The following GLI3 variants were observed in gnomAD, a reference collection of about 807,000 sequenced individuals.
The protein encoded by GLI3 is GLI family zinc finger 3, also known as transcription activator GLI3.
A neutral mutation model predicts 100.8 loss-of-function variants in GLI3; 20 were observed. That is an observed-to-expected ratio of 0.20 (90% CI 0.14 to 0.29). The LOEUF is 0.29. Ranked by LOEUF, GLI3 falls within the 10% of genes least tolerant of loss-of-function variation. The pLI, the probability that GLI3 is intolerant of heterozygous loss-of-function variation, is 1.00. For missense variants in GLI3, 2,040 were observed against 2,128.5 expected (o/e 0.96, Z 0.82); for synonymous variants, 938 against 860.5 (o/e 1.09, Z -1.58).
intron 3 of GLI3, among the ~76,000 whole-genome samples, chr7:42,120,382 G>T (rs1785966252): frequency 6.6e-6 from 1 of 152,160 alleles, no homozygotes; most frequent in Admixed American, 6.5e-5. Flanking sequence ...ATTCCAGCTT[G>T]TGCCGAGGTT....
chr7:42,119,580 G>T (rs909815937), intron 3 of GLI3, among the ~76,000 whole-genome samples: 1 of 152,164 alleles, frequency 6.6e-6, no homozygotes, highest in Non-Finnish European at 1.5e-5. Context: ...CTGCATTAAA[G>T]AGCAAAGGTA....
At chr7:42,214,550 G>A (rs1236628205) in intron 2 of GLI3, among the ~76,000 whole-genome samples, 4 of 143,254 alleles carry the variant, frequency 2.8e-5, no homozygotes, top group African/African-American at 1.0e-4. Flanking sequence ...AAAAATAACA[G>A]CCTAAATTGC....
At chr7:42,263,012 A>G (rs1172715821) in intron 1 of GLI3, among the ~76,000 whole-genome samples, 1 of 151,854 alleles carries the variant, frequency 6.6e-6, no homozygotes, top group Admixed American at 6.6e-5. Context: ...CTATGGAACT[A>G]GACTAAGGAG....
chr7:42,212,399 A>G (rs1788289086), intron 2 of GLI3, among the ~76,000 whole-genome samples: 2 of 152,210 alleles, frequency 1.3e-5, no homozygotes, highest in African/African-American at 4.8e-5. Context: ...AAACAATGTA[A>G]ATATCTTCAC....
intron 10 of GLI3, among the ~76,000 whole-genome samples, chr7:41,989,523 T>C (rs1787925413): frequency 6.6e-6 from 1 of 152,180 alleles, no homozygotes; most frequent in Non-Finnish European, 1.5e-5. Flanking sequence ...TTATGCACGA[T>C]CATTCCTACA....
At chr7:42,117,409 G>T (rs139431052) in intron 3 of GLI3, among the ~76,000 whole-genome samples, 68 of 152,314 alleles carry the variant, frequency 4.5e-4, no homozygotes, top group African/African-American at 1.6e-3. Context: ...ACATGTTGCA[G>T]TACCAAGGAC....
In GLI3 at chr7:41,964,877, C is replaced by T; in HGVS notation, c.4196G>A (p.Arg1399Lys). The T allele has an allele frequency of 6.2e-7, 1 of 1,613,884 alleles. No individual in the cohort carries two copies. Among genetic ancestry groups the T allele is most frequent in the Non-Finnish European group, 8.5e-7 (1 of 1,180,040 alleles). ...FGGSRRQAMP[R>K]DSLALQSGQL... ...TCCTGACTGCAGAGCAAGGCTGTCC[C>T]TCGGCATAGCCTGGCGCCTGCTGCC... Residue 1399 changes from arginine to lysine, a missense_variant, in exon 15 of 15, where the codon AGG (arginine) becomes AAG (lysine). Physicochemically the swap from Arg to Lys is conservative, Grantham distance 26 (BLOSUM62 2). Coordinates refer to ENST00000395925, the MANE Select transcript of GLI3 (RefSeq NM_000168.6).
chr7:42,169,903 A>G (rs1787328858), intron 2 of GLI3, among the ~76,000 whole-genome samples: 1 of 152,042 alleles, frequency 6.6e-6, no homozygotes, highest in African/African-American at 2.4e-5. Context: ...TTGAAATATA[A>G]GAAGTAATAT....
chr7:42,116,941 C>A (rs1785874363), intron 3 of GLI3, among the ~76,000 whole-genome samples: 1 of 152,178 alleles, frequency 6.6e-6, no homozygotes, highest in Non-Finnish European at 1.5e-5. Flanking sequence ...TCTACATCCT[C>A]CCTTTACCAA....
At chr7:42,159,207 T>C (rs1181161884) in intron 2 of GLI3, among the ~76,000 whole-genome samples, 1 of 152,232 alleles carries the variant, frequency 6.6e-6, no homozygotes, top group Non-Finnish European at 1.5e-5. Context: ...AGCCTAAGTA[T>C]TTGGCTTGTG....
chr7:42,049,974 C>T (rs574933597), intron 4 of GLI3, among the ~76,000 whole-genome samples: 84 of 152,152 alleles, frequency 5.5e-4, no homozygotes, highest in Non-Finnish European at 1.1e-3. Context: ...CAAATGCTCA[C>T]GCACAGCCCG....
intron 1 of GLI3, among the ~76,000 whole-genome samples, chr7:42,259,913 T>C (rs1443434838): frequency 6.6e-6 from 1 of 152,248 alleles, no homozygotes; most frequent in Non-Finnish European, 1.5e-5. Flanking sequence ...TGTTGTGTAT[T>C]AAGGCAAAGC....
intron 1 of GLI3, among the ~76,000 whole-genome samples, chr7:42,260,487 A>G (rs776330964): frequency 2.0e-5 from 3 of 152,242 alleles, no homozygotes; most frequent in Non-Finnish European, 2.9e-5. Context: ...GTATAAGTAT[A>G]TACCTATGCA....
At chr7:41,984,693 G>C (rs573562995) in intron 10 of GLI3, among the ~76,000 whole-genome samples, 2 of 152,318 alleles carry the variant, frequency 1.3e-5, no homozygotes, top group African/African-American at 4.8e-5. Flanking sequence ...AACAGTGGAG[G>C]GGGGAAACGC....
At chr7:42,238,834 C>G (rs991168311), upstream of GLI3, among the ~76,000 whole-genome samples, 8 of 152,196 alleles carry the variant, frequency 5.3e-5, no homozygotes, top group East Asian at 1.3e-3. Context: ...TCTGGTTAAG[C>G]CGGGTCCACC....
intron 3 of GLI3, among the ~76,000 whole-genome samples, chr7:42,139,537 G>T (rs1786514410): frequency 6.6e-6 from 1 of 152,096 alleles, no homozygotes; most frequent in Admixed American, 6.5e-5. Context: ...AAATTAGCGT[G>T]GCATGGTGGC....
chr7:42,059,442 A>G (rs1005628655), intron 4 of GLI3, among the ~76,000 whole-genome samples: 2 of 149,782 alleles, frequency 1.3e-5, no homozygotes, highest in Non-Finnish European at 3.0e-5. Flanking sequence ...AGTGGAATTA[A>G]TAAGTATAAA....
chr7:42,162,338 A>G (rs913636281), intron 2 of GLI3, among the ~76,000 whole-genome samples: 3 of 152,208 alleles, frequency 2.0e-5, no homozygotes, highest in African/African-American at 4.8e-5. Context: ...TACAGTCTCA[A>G]TGACTACTCT....
intron 4 of GLI3, among the ~76,000 whole-genome samples, chr7:42,067,857 C>T (rs6971751): frequency 0.056 from 8,474 of 152,292 alleles, 722 homozygotes; most frequent in African/African-American, 0.18. Context: ...AGTCTGGGGC[C>T]AGGCTTCCAT....
Sources: gnomAD v4.1 joint callset for allele counts (sites outside exome capture counted in the v4.1 genomes callset) on GRCh38, gnomAD v4.1.1 for gene constraint, MANE v1.5 for transcripts, NCBI Gene and HGNC (gene_info 2026-07-23, HGNC 2026-07-21) for gene names.